The following DDX4 variants were observed in gnomAD, a reference collection of about 807,000 sequenced individuals.
The protein encoded by DDX4 is probable ATP-dependent RNA helicase DDX4.
Under a neutral mutation model 100.0 loss-of-function variants are expected in DDX4, and 25 were observed. The ratio of observed to expected loss-of-function variants is 0.25; its 90% CI spans 0.18 to 0.35. The LOEUF (loss-of-function observed/expected upper bound fraction) is 0.35. Among genes scored for constraint, DDX4 ranks in the 10% least tolerant of loss-of-function variants. The pLI is 1.00. For synonymous variants in DDX4, 259 were observed against 275.7 expected, an observed-to-expected ratio of 0.94 and a Z score of 0.60; for missense variants, 635 against 882.4, an observed-to-expected ratio of 0.72 and a Z score of 3.55.
intron 7 of DDX4, among the ~76,000 whole-genome samples, chr5:55,770,311 C>G (rs1741178246): frequency 6.6e-6 from 1 of 152,032 alleles, no homozygotes; most frequent in Non-Finnish European, 1.5e-5. Context: ...ATGTCTTTGT[C>G]TCTGAATAGA....
chr5:55,785,237 A>AT, intron 10 of DDX4, 60 bp from the exon 11 acceptor site: 1 of 1,188,794 alleles, frequency 8.4e-7, no homozygotes, highest in South Asian at 1.3e-5. Flanking sequence ...AAGCAACGAA[A>AT]ATAAAGATGT....
At chr5:55,771,275 C>T (rs549409077) in intron 7 of DDX4, among the ~76,000 whole-genome samples, 1 of 152,138 alleles carries the variant, frequency 6.6e-6, no homozygotes, top group Middle Eastern at 3.4e-3. Flanking sequence ...CCTCAAAAGC[C>T]CCTTTTCATG....
intron 18 of DDX4, among the ~76,000 whole-genome samples, chr5:55,809,315 C>A (rs1221949052): frequency 2.0e-5 from 3 of 152,132 alleles, no homozygotes; most frequent in Non-Finnish European, 2.9e-5. Flanking sequence ...TGTGCTGCAC[C>A]AAGTGTCCTG....
intron 3 of DDX4, among the ~76,000 whole-genome samples, chr5:55,747,480 A>G (rs574350838): frequency 2.2e-4 from 33 of 152,236 alleles, no homozygotes; most frequent in Non-Finnish European, 3.7e-4. Context: ...CCAGGAGTTC[A>G]AGGCTACAGT....
rs1373956554 is a variant in DDX4, at chr5:55,780,084, A to G, written c.496+19A>G. 2.5e-6 allele frequency: 4 copies of G among 1,612,592 alleles called. No individual in the cohort carries two copies. The highest frequency in any genetic ancestry group is 3.4e-6 in the Non-Finnish European group (4 of 1,179,506). On this transcript the variant is annotated intron_variant, in intron 8 of 21. Coordinates refer to ENST00000505374, the MANE Select transcript of DDX4 (RefSeq NM_024415.3). ...AGTCCAAGTTAGTACTGGATTTGCA[A>G]ATGATGTGCTTCATTAACTGTTAAA...
chr5:55,807,633 G>T (rs182540666), intron 18 of DDX4, among the ~76,000 whole-genome samples: 76 of 152,306 alleles, frequency 5.0e-4, no homozygotes, highest in Admixed American at 4.7e-3. Flanking sequence ...TTTTCTTTAA[G>T]AATGTTGAAT....
At chr5:55,757,746 T>A (rs1760025609) in intron 3 of DDX4, among the ~76,000 whole-genome samples, 1 of 152,098 alleles carries the variant, frequency 6.6e-6, no homozygotes, top group African/African-American at 2.4e-5. Flanking sequence ...CCACCACTAA[T>A]TTTAAGAACA....
intron 7 of DDX4, among the ~76,000 whole-genome samples, chr5:55,773,627 T>C (rs977784413): frequency 6.6e-6 from 1 of 152,050 alleles, no homozygotes; most frequent in African/African-American, 2.4e-5. Flanking sequence ...TGTGGGTTTT[T>C]TGTTTTTTTA....
At position 55,785,305 on chromosome 5, in the gene DDX4, A is replaced by G; in HGVS notation, c.634A>G (p.Lys212Glu). The stretch of plus-strand genomic sequence containing the variant: ...ATGAATTTCTTTAATAGGTGGTTAC[A>G]AAGGTTTAAATGAAGAAGTAATAAC... ...SGSGSERGGY[K>E]GLNEEVITGS... Residue 212 changes from lysine (K) to glutamate (E), a missense_variant, in exon 11 of 22, where the codon AAA becomes GAA. Physicochemically the swap from Lys to Glu is moderately conservative, Grantham distance 56. Coordinates refer to ENST00000505374, the MANE Select transcript of DDX4 (RefSeq NM_024415.3). 1 of 1,601,046 alleles carries G rather than the reference A, an allele frequency of 6.2e-7. No individual in the cohort carries two copies. Among genetic ancestry groups the G allele is most frequent in the Non-Finnish European group, 8.6e-7 (1 of 1,168,876 alleles).
intron 2 of DDX4, among the ~76,000 whole-genome samples, chr5:55,744,636 T>C (rs921329187): frequency 2.0e-5 from 3 of 152,242 alleles, no homozygotes; most frequent in Non-Finnish European, 4.4e-5. Flanking sequence ...ATGTAATGCA[T>C]GTGTGTTAAT....
At chr5:55,783,356 A>G (rs2111996292) in intron 10 of DDX4, among the ~76,000 whole-genome samples, 1 of 152,094 alleles carries the variant, frequency 6.6e-6, no homozygotes, top group Non-Finnish European at 1.5e-5. Context: ...AGACCTGTGG[A>G]CATACAAGAT....
At chr5:55,779,646 A>C (rs962106413) in intron 7 of DDX4, among the ~76,000 whole-genome samples, 1 of 152,264 alleles carries the variant, frequency 6.6e-6, no homozygotes, top group South Asian at 2.1e-4. Context: ...TCTTTTGTGC[A>C]TTGTGGAAAT....
At chr5:55,756,584 A>G (rs1426514255) in intron 3 of DDX4, among the ~76,000 whole-genome samples, 6 of 152,174 alleles carry the variant, frequency 3.9e-5, no homozygotes, top group Non-Finnish European at 8.8e-5. Flanking sequence ...CTTAGAGCGC[A>G]TACTGAAGTC....
chr5:55,812,009 A>G (rs1744146369), intron 18 of DDX4, among the ~76,000 whole-genome samples: 1 of 152,184 alleles, frequency 6.6e-6, no homozygotes, highest in Non-Finnish European at 1.5e-5. Context: ...TTTTTTTTAA[A>G]CTAAAGGTAT....
chr5:55,785,705 T>A (rs748429871), intron 12 of DDX4, 24 bp from the exon 13 acceptor site: 4 of 1,599,112 alleles, frequency 2.5e-6, no homozygotes, highest in Middle Eastern at 3.3e-4. Context: ...TAACGTACAT[T>A]ATGTTTTTAA....
At chr5:55,791,277 G>A (rs566868771) in intron 16 of DDX4, among the ~76,000 whole-genome samples, 1 of 152,248 alleles carries the variant, frequency 6.6e-6, no homozygotes, top group Admixed American at 6.5e-5. Context: ...TAATGAACCA[G>A]ATTTGCTTTT....
intron 3 of DDX4, among the ~76,000 whole-genome samples, chr5:55,755,725 T>A (rs1041415461): frequency 1.3e-4 from 20 of 152,108 alleles, no homozygotes; most frequent in African/African-American, 4.3e-4. Context: ...TTTTTTTTTT[T>A]AAACTTTATT....
At chr5:55,809,117 G>C (rs143451206) in intron 18 of DDX4, among the ~76,000 whole-genome samples, 1 of 152,212 alleles carries the variant, frequency 6.6e-6, no homozygotes. Flanking sequence ...CTTTGAGCCA[G>C]GTGTGGGATA....
intron 7 of DDX4, among the ~76,000 whole-genome samples, chr5:55,771,891 T>C (rs1741273511): frequency 6.6e-6 from 1 of 152,186 alleles, no homozygotes; most frequent in Admixed American, 6.6e-5. Flanking sequence ...TTTACCTTTT[T>C]ATTTGTAAAT....
Sources: gnomAD v4.1 joint callset for allele counts (sites outside exome capture counted in the v4.1 genomes callset) on GRCh38, gnomAD v4.1.1 for gene constraint, MANE v1.5 for transcripts, NCBI Gene and HGNC (gene_info 2026-07-23, HGNC 2026-07-21) for gene names.